PDGFD: variants seen among roughly 807,000 people sequenced by gnomAD.
The protein encoded by PDGFD is platelet-derived growth factor D.
Under a neutral mutation model 44.7 loss-of-function variants are expected in PDGFD, and 30 were observed. The observed-to-expected ratio is 0.67, with a 90% CI of 0.50 to 0.91. The LOEUF is 0.91. Among genes scored for constraint, PDGFD ranks in the 40% least tolerant of loss-of-function variants. The probability of loss-of-function intolerance (pLI) is 0.00; values close to 1 mark genes in which losing one functional copy is unlikely to be tolerated. For synonymous variants in PDGFD, 173 were observed against 168.4 expected, an observed-to-expected ratio of 1.03 and a Z score of -0.21; for missense variants, 445 against 457.8, an observed-to-expected ratio of 0.97 and a Z score of 0.25.
rs201086286 is a variant in PDGFD at position 104,158,677 on chromosome 11, A to AC, written c.124+5126_124+5127insG. ...GAAACCCCGTCTCTACTAAAAACAC[A>AC]AAAAAATTAACCGGTCATGGTGGCA... On this transcript the variant is annotated intron_variant, in intron 1 of 6. Transcript: ENST00000393158. Among the ~76,000 whole-genome samples, 1,407 of 151,918 alleles carry AC rather than the reference A, an allele frequency of 9.3e-3. 25 individuals carry two copies. The highest frequency in any genetic ancestry group is 0.032 in the African/African-American group (1,311 of 41,410).
At chr11:104,133,788 T>C (rs2119850790) in intron 1 of PDGFD, among the ~76,000 whole-genome samples, 1 of 152,228 alleles carries the variant, frequency 6.6e-6, no homozygotes, top group East Asian at 1.9e-4. Flanking sequence ...ATTAAAACAA[T>C]AACAAGAAAA....
chr11:104,113,710 G>A lies in PDGFD; in HGVS notation c.124+50094C>T, dbSNP rs544154554. ...TATAAGAAAAACGATCTTCCAATGT[G>A]GCTGTATCATGTTGCATTCCTACCA... On this transcript the variant is annotated intron_variant, in intron 1 of 6. Coordinates refer to ENST00000393158, the MANE Select transcript of PDGFD (RefSeq NM_025208.5). 7.9e-5 allele frequency among the ~76,000 whole-genome samples: 12 copies of A among 151,880 alleles called. No homozygotes were observed. The South Asian group carries it at 2.5e-3, about 32-fold the overall frequency.
intron 3 of PDGFD, among the ~76,000 whole-genome samples, chr11:103,954,668 G>A (rs1221481966): frequency 1.3e-5 from 2 of 152,054 alleles, no homozygotes; most frequent in African/African-American, 4.8e-5. Flanking sequence ...CTGTCATTCT[G>A]AAAAATTTTA....
chr11:104,094,909 C>A lies in PDGFD; in HGVS notation c.124+68895G>T, dbSNP rs374071513. Reference sequence around the variant, plus strand: ...AAGCAAAAACTCATAAAAATGCCCACAAAACTTTGCATGATGTGACCCCTG... The same window carrying A: ...AAGCAAAAACTCATAAAAATGCCCAAAAAACTTTGCATGATGTGACCCCTG... On this transcript the variant is annotated intron_variant, in intron 1 of 6. Coordinates refer to ENST00000393158, the MANE Select transcript of PDGFD (RefSeq NM_025208.5). 1.4e-4 allele frequency among the ~76,000 whole-genome samples: 22 copies of A among 152,202 alleles called. No individual in the cohort carries two copies. In the East Asian group the frequency reaches 4.3e-3, roughly 29 times the overall value.
intron 1 of PDGFD, among the ~76,000 whole-genome samples, chr11:104,160,597 T>A (rs1028789950): frequency 2.0e-5 from 3 of 152,152 alleles, no homozygotes; most frequent in Non-Finnish European, 2.9e-5. Flanking sequence ...AGTAAATCAG[T>A]TTGAGCGAGA....
intron 1 of PDGFD, among the ~76,000 whole-genome samples, chr11:104,013,932 T>C (rs1859822966): frequency 6.6e-6 from 1 of 152,040 alleles, no homozygotes; most frequent in South Asian, 2.1e-4. Flanking sequence ...TAAGTGGTCT[T>C]GATCTTTGTC....
chr11:104,019,890 T>G (rs952668905), intron 1 of PDGFD, among the ~76,000 whole-genome samples: 1 of 152,154 alleles, frequency 6.6e-6, no homozygotes, highest in Non-Finnish European at 1.5e-5. Context: ...AAAAATCACC[T>G]AATCTACATG....
At chr11:104,138,085 G>A (rs1331617516) in intron 1 of PDGFD, among the ~76,000 whole-genome samples, 2 of 151,984 alleles carry the variant, frequency 1.3e-5, no homozygotes, top group Non-Finnish European at 2.9e-5. Context: ...TTATGAAGAC[G>A]AATATTTTCT....
chr11:104,078,684 T>A (rs1399578904), intron 1 of PDGFD, among the ~76,000 whole-genome samples: 1 of 135,056 alleles, frequency 7.4e-6, no homozygotes, highest in Non-Finnish European at 1.6e-5. Context: ...CCAGTCAGTA[T>A]GAAATTCCTG....
intron 4 of PDGFD, among the ~76,000 whole-genome samples, chr11:103,947,032 A>G (rs182516111): frequency 6.6e-6 from 1 of 152,350 alleles, no homozygotes; most frequent in Admixed American, 6.5e-5. Context: ...TTATTGCTAC[A>G]TAAGTGCCAC....
At chr11:103,941,771 C>T (rs926109429) in intron 5 of PDGFD, among the ~76,000 whole-genome samples, 7 of 152,124 alleles carry the variant, frequency 4.6e-5, no homozygotes, top group Admixed American at 4.6e-4. Context: ...AAAAAAGATG[C>T]CAAGAAGGGC....
chr11:104,046,508 C>T (rs1036368534), intron 1 of PDGFD, among the ~76,000 whole-genome samples: 1 of 147,448 alleles, frequency 6.8e-6, no homozygotes, highest in African/African-American at 2.5e-5. Context: ...AAAACAATTT[C>T]ATTGATATTC....
intron 5 of PDGFD, among the ~76,000 whole-genome samples, chr11:103,940,700 T>C (rs895911389): frequency 6.6e-6 from 1 of 152,146 alleles, no homozygotes; most frequent in African/African-American, 2.4e-5. Flanking sequence ...TCAGCATCAA[T>C]GGAATGATAA....
chr11:104,099,698 A>G (rs1393870880), intron 1 of PDGFD, among the ~76,000 whole-genome samples: 1 of 150,620 alleles, frequency 6.6e-6, no homozygotes, highest in African/African-American at 2.4e-5. Flanking sequence ...AAAATGGAAT[A>G]TATCTCATCT....
chr11:104,128,387 A>G (rs1591178643), intron 1 of PDGFD, among the ~76,000 whole-genome samples: 3 of 152,268 alleles, frequency 2.0e-5, no homozygotes, highest in African/African-American at 7.2e-5. Flanking sequence ...TCCTTGGTTC[A>G]TCTCTACTAA....
intron 3 of PDGFD, among the ~76,000 whole-genome samples, chr11:103,984,194 TGTG>T (rs1859317543): frequency 6.6e-6 from 1 of 151,580 alleles, no homozygotes; most frequent in South Asian, 2.1e-4. Flanking sequence ...ATAAACAAAA[TGTG>T]GTATATATAC....
rs576319261 is a variant in PDGFD at position 103,926,854 on chromosome 11, C to T, written c.987+58G>A. On this transcript the variant is annotated intron_variant, in intron 6 of 6. Transcript: ENST00000393158. ...ACCTGAACAACTGTATGCAATGGCC[C>T]TGTCTTCCTGAATCCTATAGATTAA... 2.3e-5 allele frequency: 35 copies of T among 1,520,032 alleles called. 1 individual carries two copies. The African/African-American group carries it at 4.5e-4, about 20-fold the overall frequency. The allele number at this position is 1,520,032 out of a possible 1,614,324, so 94.2% of individuals were successfully genotyped here.
intron 3 of PDGFD, among the ~76,000 whole-genome samples, chr11:103,959,124 G>A (rs887177857): frequency 2.0e-5 from 3 of 152,116 alleles, no homozygotes; most frequent in Admixed American, 2.0e-4. Flanking sequence ...TAAAAAAGCT[G>A]TCCATTCTTT....
At chr11:103,942,648 C>G (rs940587033) in intron 5 of PDGFD, among the ~76,000 whole-genome samples, 5 of 152,064 alleles carry the variant, frequency 3.3e-5, no homozygotes, top group Non-Finnish European at 7.4e-5. Context: ...AAGCAGATAT[C>G]AGATCTAGAA....
Sources: allele counts gnomAD v4.1 joint callset (sites outside exome capture counted in the v4.1 genomes callset), GRCh38; gene constraint gnomAD v4.1.1; transcripts MANE v1.5; gene names NCBI Gene and HGNC (gene_info 2026-07-23, HGNC 2026-07-21).